The following BEST1 variants were observed in gnomAD, a reference collection of about 807,000 sequenced individuals.
BEST1 encodes bestrophin 1.
BEST1 carries 58 observed loss-of-function variants against 63.3 expected under a neutral mutation model. The observed-to-expected ratio is 0.92, with a 90% CI of 0.74 to 1.14. The LOEUF (loss-of-function observed/expected upper bound fraction) is 1.14, where lower values mean the gene tolerates loss of function less well. Ranked by LOEUF, BEST1 falls within the 50% of genes most tolerant of loss-of-function variation. The probability of loss-of-function intolerance (pLI) is 0.00; values close to 1 mark genes in which losing one functional copy is unlikely to be tolerated. For missense variants in BEST1, 671 were observed against 740.1 expected (o/e 0.91, Z 1.08); for synonymous variants, 283 against 291.6 (o/e 0.97, Z 0.30).
At chr11:61,961,673 T>C (rs1021148783) in intron 9 of BEST1, 1 of 160,954 alleles carries the variant, frequency 6.2e-6, no homozygotes, top group Non-Finnish European at 1.4e-5. Context: ...TTTGTCTGCC[T>C]GGGAGGCGGC....
Position 61,957,391 on chromosome 11 carries a change from T to C in BEST1, c.641T>C (p.Met214Thr), listed in dbSNP as rs1375872764. 6.3e-7 allele frequency: 1 copy of C among 1,586,754 alleles called. No individual in the cohort carries two copies. The highest frequency in any genetic ancestry group is 8.7e-7 in the Non-Finnish European group (1 of 1,155,822). ...PILLQSLLNEMNTLRTQCGHL... is the reference protein window; with the variant it reads ...PILLQSLLNETNTLRTQCGHL... ...TCCCCCTCTTCTGCCCCCCAGGAGA[T>C]GAACACCTTGCGTACTCAGTGTGGA... Residue 214 changes from methionine (M) to threonine (T), a missense_variant, in exon 6 of 11, where the codon ATG becomes ACG. Physicochemically the swap from Met to Thr is moderately conservative, Grantham distance 81. Coordinates refer to ENST00000378043, the MANE Select transcript of BEST1 (RefSeq NM_004183.4).
intron 10 of BEST1, chr11:61,963,649 AAACTT>A (rs1942304140): frequency 1.9e-6 from 2 of 1,051,660 alleles, no homozygotes; most frequent in Non-Finnish European, 2.3e-6. Flanking sequence ...TTATGATTGA[AAACTT>A]AAAAGGGCAA....
At chr11:61,957,268 C>A in intron 5 of BEST1, 119 bp from the exon 6 acceptor site, 1 of 1,053,148 alleles carries the variant, frequency 9.5e-7, no homozygotes, top group Non-Finnish European at 1.5e-6. Flanking sequence ...CTTCCCATGG[C>A]CACACAGCCA....
chr11:61,956,838 C>G lies in BEST1; in HGVS notation c.482-6C>G, dbSNP rs1185737371. The G allele has an allele frequency of 1.2e-6, 2 of 1,614,120 alleles. No homozygotes were observed. The highest frequency in any genetic ancestry group is 3.3e-5 in the Admixed American group (2 of 60,022). ...CACCCACCGCCTTCTTCACTCCACT[C>G]TGCAGGCTTTATGACTCCGGCAGAA... is the stretch of plus-strand genomic sequence containing the variant. On this transcript the variant is annotated splice_polypyrimidine_tract_variant and splice_region_variant and intron_variant, in intron 4 of 10. Coordinates refer to ENST00000378043, the MANE Select transcript of BEST1 (RefSeq NM_004183.4).
chr11:61,962,908 T>C lies in BEST1; in HGVS notation c.1739+15T>C. 2 of 1,614,208 alleles carry C rather than the reference T, an allele frequency of 1.2e-6. No homozygotes were observed. Among genetic ancestry groups the C allele is most frequent in the South Asian group, 2.2e-5 (2 of 91,088 alleles). On this transcript the variant is annotated intron_variant, in intron 10 of 10. Transcript: ENST00000378043. ...TTGGAAAACAGGTCTGTCCTCCACCTGAACCAGGGGCACTGCATTGCCCTG... is the reference window on the plus strand; with the variant it reads ...TTGGAAAACAGGTCTGTCCTCCACCCGAACCAGGGGCACTGCATTGCCCTG...
chr11:61,952,445 C>G (rs970831003), intron 2 of BEST1, among the ~76,000 whole-genome samples: 2 of 148,512 alleles, frequency 1.3e-5, no homozygotes, highest in Non-Finnish European at 3.0e-5. Flanking sequence ...CTGCACTTGA[C>G]CAACCACATG....
intron 7 of BEST1, 121 bp from the exon 8 acceptor site, chr11:61,959,377 A>G: frequency 3.2e-6 from 3 of 937,140 alleles, no homozygotes; most frequent in Non-Finnish European, 5.1e-6. Context: ...GCCTTTGAAG[A>G]CAGTGGTCAG....
intron 10 of BEST1, chr11:61,963,560 C>A: frequency 9.7e-7 from 1 of 1,029,196 alleles, no homozygotes; most frequent in Non-Finnish European, 1.2e-6. Flanking sequence ...CCACTTCAGC[C>A]CCAATCACGT....
chr11:61,963,541 A>C, intron 10 of BEST1: 1 of 1,029,270 alleles, frequency 9.7e-7, no homozygotes, highest in Non-Finnish European at 1.2e-6. Flanking sequence ...TCACCCAATT[A>C]TAAACACCCC....
chr11:61,956,823 C>T lies in BEST1; in HGVS notation c.482-21C>T, dbSNP rs202048573. 1.4e-3 allele frequency: 2,209 copies of T among 1,613,888 alleles called. 8 individuals carry two copies. Among genetic ancestry groups the T allele is most frequent in the Admixed American group, 1.9e-3 (116 of 60,002 alleles). Reference sequence around the variant, plus strand: ...TTCTGCAGGTTCTCCCACCCACCGCCTTCTTCACTCCACTCTGCAGGCTTT... The same window carrying T: ...TTCTGCAGGTTCTCCCACCCACCGCTTTCTTCACTCCACTCTGCAGGCTTT... On this transcript the variant is annotated intron_variant, in intron 4 of 10. Transcript: ENST00000378043.
Position 61,964,169 on chromosome 11 carries a change from T to C in BEST1, c.*47T>C. 2 of 1,613,268 alleles carry C rather than the reference T, an allele frequency of 1.2e-6. No homozygotes were observed. Among genetic ancestry groups the C allele is most frequent in the Non-Finnish European group, 1.7e-6 (2 of 1,179,854 alleles). ...TTCGCCAGCCAGGTCCTCACCTGTG[T>C]GTACACCAGCAGGACACTGATCCAG... On this transcript the variant is annotated 3_prime_UTR_variant, in exon 11 of 11. Coordinates refer to ENST00000378043, the MANE Select transcript of BEST1 (RefSeq NM_004183.4).
rs1261771994 is a variant in BEST1 at position 61,955,851 on chromosome 11, G to A, written c.381G>A (p.Thr127=). ...AGCAAGGCCGGCTGCTGCGGCGCAC[G>A]CTCATCCGCTACGCCAACCTGGGCA... The part of the protein sequence containing the change: ...KDEQGRLLRR[T]LIRYANLGNV... Residue 127 remains threonine (T), a synonymous_variant, in exon 4 of 11, where the codon ACG becomes ACA. Coordinates refer to ENST00000378043, the MANE Select transcript of BEST1 (RefSeq NM_004183.4). 5 of 1,550,460 alleles carry A rather than the reference G, an allele frequency of 3.2e-6. No individual in the cohort carries two copies. The highest frequency in any genetic ancestry group is 4.4e-6 in the Non-Finnish European group (5 of 1,146,902).
At chr11:61,960,402 G>A (rs886494375) in intron 9 of BEST1, 6 of 330,464 alleles carry the variant, frequency 1.8e-5, no homozygotes, top group Non-Finnish European at 3.5e-5. Context: ...ACAGTATCTC[G>A]CTCTGTCGCC....
intron 8 of BEST1, 100 bp from the exon 9 acceptor site, chr11:61,959,792 G>T (rs1941852757): frequency 1.3e-6 from 2 of 1,526,970 alleles, no homozygotes; most frequent in Non-Finnish European, 1.8e-6. Flanking sequence ...GGGAAACTGA[G>T]GTCCAGAGAG....
At chr11:61,964,697 C>A (rs1411873595), downstream of BEST1, 5 of 1,597,480 alleles carry the variant, frequency 3.1e-6, no homozygotes, top group Admixed American at 1.7e-5. Flanking sequence ...GGGAAGTCAC[C>A]CCACGGCTAT....
rs1416177284 is a variant in BEST1 at position 61,962,336 on chromosome 11, A to G, written c.1182A>G (p.Leu394=). The G allele has an allele frequency of 1.2e-6, 2 of 1,614,166 alleles. No homozygotes were observed. The highest frequency in any genetic ancestry group is 1.1e-5 in the South Asian group (1 of 91,078). The change falls in exon 10 of 11, where the codon CTA becomes CTG. Residue 394 remains leucine (L), a synonymous_variant. Coordinates refer to ENST00000378043, the MANE Select transcript of BEST1 (RefSeq NM_004183.4). The part of the protein sequence containing the change: ...DAHAGIIGRF[L]GLQSHDHHPP... ...ACGCTGGCATCATTGGCCGCTTCCT[A>G]GGCCTGCAGTCCCATGATCACCATC...
At position 61,959,906 on chromosome 11, in the gene BEST1, T is replaced by A. The variant is rs765333391; in HGVS notation, c.963T>A (p.Ala321=). The change falls in exon 9 of 11, where the codon GCT becomes GCA. Residue 321 remains alanine, a synonymous_variant. Transcript: ENST00000378043. ...VDRNLQVSLL[A]VDEMHQDLPR... ...CTGGTGACCAGGTGTCCCTGTTGGC[T>A]GTGGATGAGATGCACCAGGACCTGC... 6.2e-7 allele frequency: 1 copy of A among 1,613,830 alleles called. No homozygotes were observed. The highest frequency in any genetic ancestry group is 8.5e-7 in the Non-Finnish European group (1 of 1,179,904).
intron 8 of BEST1, 56 bp downstream of exon 8, chr11:61,959,634 G>A: frequency 6.3e-7 from 1 of 1,585,564 alleles, no homozygotes; most frequent in East Asian, 2.2e-5. Context: ...TGGACCCAAA[G>A]AGAGGACCCC....
chr11:61,955,335 C>T (rs1000545692), intron 3 of BEST1, 134 bp downstream of exon 3: 5 of 1,540,320 alleles, frequency 3.2e-6, no homozygotes, highest in Admixed American at 4.0e-5. Context: ...GTCGGCGCCT[C>T]TCTGTAGGGA....
Sources: allele counts gnomAD v4.1 joint callset (sites outside exome capture counted in the v4.1 genomes callset), GRCh38; gene constraint gnomAD v4.1.1; transcripts MANE v1.5; gene names NCBI Gene and HGNC (gene_info 2026-07-23, HGNC 2026-07-21).